TMIGD3: variants seen among roughly 807,000 people sequenced by gnomAD.
The protein encoded by TMIGD3 is AD026 protein (AD026).
Under a neutral mutation model 28.1 loss-of-function variants are expected in TMIGD3, and 21 were observed. That is an observed-to-expected ratio of 0.75 (90% CI 0.53 to 1.08). The LOEUF (loss-of-function observed/expected upper bound fraction) is 1.08, where lower values mean the gene tolerates loss of function less well. TMIGD3 is among the 50% of genes least tolerant of loss of function. The pLI is 0.00. For synonymous variants in TMIGD3, 151 were observed against 162.1 expected, an observed-to-expected ratio of 0.93 and a Z score of 0.52; for missense variants, 416 against 435.6, an observed-to-expected ratio of 0.96 and a Z score of 0.40.
chr1:111,483,728 C>A lies in TMIGD3; in HGVS notation c.1003G>T (p.Val335Phe), dbSNP rs1654225978. 6.2e-7 allele frequency: 1 copy of A among 1,613,964 alleles called. No homozygotes were observed. The highest frequency in any genetic ancestry group is 8.5e-7 in the Non-Finnish European group (1 of 1,179,978). ...VGNTLKPFSR[V>F]LTPKEMAPTE... ...GGAGCCATTTCCTTTGGAGTCAGGA[C>A]ACGCGAGAAGGGCTTCAAAGTGTTG... Residue 335 changes from valine to phenylalanine, a missense_variant, in exon 6 of 6, where the codon GTC (valine) becomes TTC (phenylalanine). By Grantham distance (50) the Val-to-Phe change is conservative. Transcript: ENST00000369716.
At chr1:111,534,324 C>T (rs888875726) in intron 1 of TMIGD3, among the ~76,000 whole-genome samples, 2 of 152,084 alleles carry the variant, frequency 1.3e-5, no homozygotes, top group African/African-American at 4.8e-5. Flanking sequence ...CTGTAGTGTA[C>T]ATGACAGCAT....
At chr1:111,547,171 A>G (rs1657062501) in intron 1 of TMIGD3, among the ~76,000 whole-genome samples, 2 of 151,952 alleles carry the variant, frequency 1.3e-5, no homozygotes, top group African/African-American at 4.8e-5. Context: ...CTTTTTTTTC[A>G]TGATACTAGG....
intron 1 of TMIGD3, chr1:111,500,132 C>T: frequency 6.2e-7 from 1 of 1,614,084 alleles, no homozygotes; most frequent in Non-Finnish European, 8.5e-7. Context: ...AGCTGTGGTA[C>T]CTCACCATTA....
chr1:111,527,006 C>CTTTTTTTTTTTTTTTT (rs71580580), intron 1 of TMIGD3, among the ~76,000 whole-genome samples: 3 of 87,732 alleles, frequency 3.4e-5, no homozygotes, highest in Non-Finnish European at 2.0e-5. Flanking sequence ...TCCTCAATGT[C>CTTTTTTTTTTTTTTTT]TTTTTTTTTT....
chr1:111,563,689 C>A (rs1657836258), intron 1 of TMIGD3, among the ~76,000 whole-genome samples: 1 of 152,152 alleles, frequency 6.6e-6, no homozygotes, highest in South Asian at 2.1e-4. Context: ...TCTTCACAAC[C>A]CTGTGGAATA....
In TMIGD3 at chr1:111,503,369, G is replaced by T; in HGVS notation, c.-15C>A. On this transcript the variant is annotated 5_prime_UTR_variant, in exon 1 of 6. Transcript: ENST00000369716. ...TTGTTGGGCATCTTGCCTTCCCAGG[G>T]GAACCTCCACAGGGACAGGTGAGCC... 1 of 1,598,688 alleles carries T rather than the reference G, an allele frequency of 6.3e-7. No individual in the cohort carries two copies. The highest frequency in any genetic ancestry group is 2.2e-5 in the East Asian group (1 of 44,598).
chr1:111,501,925 T>C (rs1655197268), intron 1 of TMIGD3, among the ~76,000 whole-genome samples: 1 of 150,914 alleles, frequency 6.6e-6, no homozygotes, highest in Non-Finnish European at 1.5e-5. Flanking sequence ...GTTCTATTCA[T>C]ATGGTCACAT....
At chr1:111,553,445 T>G (rs977380001) in intron 1 of TMIGD3, among the ~76,000 whole-genome samples, 3 of 152,062 alleles carry the variant, frequency 2.0e-5, no homozygotes, top group Non-Finnish European at 4.4e-5. Context: ...GACTCAGGAG[T>G]CTCATGTCTT....
chr1:111,499,096 AAAAAAG>A (rs1167047049), intron 1 of TMIGD3, among the ~76,000 whole-genome samples: 2 of 141,402 alleles, frequency 1.4e-5, no homozygotes, highest in African/African-American at 3.1e-5. Flanking sequence ...GTCTCAAAAA[AAAAAAG>A]AAAAAAAAGA....
intron 1 of TMIGD3, among the ~76,000 whole-genome samples, chr1:111,535,499 A>C (rs928879810): frequency 2.0e-5 from 3 of 152,254 alleles, no homozygotes; most frequent in African/African-American, 4.8e-5. Flanking sequence ...GGTAGTCTAC[A>C]AAATTAAACT....
intron 1 of TMIGD3, among the ~76,000 whole-genome samples, chr1:111,520,824 C>T (rs112942976): frequency 8.5e-5 from 13 of 152,132 alleles, no homozygotes; most frequent in African/African-American, 3.1e-4. Flanking sequence ...ATGAATTCTC[C>T]TTATTTTATA....
intron 1 of TMIGD3, among the ~76,000 whole-genome samples, chr1:111,494,064 G>C (rs952004568): frequency 1.3e-5 from 2 of 152,194 alleles, no homozygotes; most frequent in Non-Finnish European, 2.9e-5. Context: ...CCTGCAACCT[G>C]CAGCAACCTG....
At chr1:111,524,178 C>T (rs1174971689) in intron 1 of TMIGD3, among the ~76,000 whole-genome samples, 10 of 151,156 alleles carry the variant, frequency 6.6e-5, no homozygotes, top group Non-Finnish European at 1.0e-4. Flanking sequence ...TACAGGCGCC[C>T]GCCACTATGC....
At chr1:111,508,560 C>A (rs769401238), upstream of TMIGD3, among the ~76,000 whole-genome samples, 1 of 152,246 alleles carries the variant, frequency 6.6e-6, no homozygotes, top group African/African-American at 2.4e-5. Context: ...GAATAGGTAG[C>A]CAACTGCCTG....
Position 111,528,525 on chromosome 1 carries a change from A to G in TMIGD3, c.107+35321T>C, listed in dbSNP as rs574328677. On this transcript the variant is annotated intron_variant, in intron 1 of 5. Coordinates refer to the TMIGD3 transcript ENST00000369717. Reference sequence around the variant, plus strand: ...TTTGTCTCTCCGTATAAATTTTGGAATCAGTTTGTTAATATCCACAAAATA... The same window carrying G: ...TTTGTCTCTCCGTATAAATTTTGGAGTCAGTTTGTTAATATCCACAAAATA... 1.3e-3 allele frequency among the ~76,000 whole-genome samples: 195 copies of G among 152,248 alleles called. 1 individual carries two copies. Among genetic ancestry groups the G allele is most frequent in the African/African-American group, 4.5e-3 (185 of 41,534 alleles).
chr1:111,495,513 T>A (rs1357987250), intron 1 of TMIGD3, among the ~76,000 whole-genome samples: 1 of 152,190 alleles, frequency 6.6e-6, no homozygotes, highest in African/African-American at 2.4e-5. Context: ...ACGCTGTTGG[T>A]GGGAGTGTAA....
rs201263167 is a variant in TMIGD3, at chr1:111,488,693, G to T, written c.789C>A (p.Asp263Glu). Residue 263 changes from aspartate to glutamate, a missense_variant, in exon 3 of 6, where the codon GAC (aspartate) becomes GAA (glutamate). Physicochemically the swap from Asp to Glu is conservative, Grantham distance 45 (BLOSUM62 2). Coordinates refer to ENST00000369716, the MANE Select transcript of TMIGD3 (RefSeq NM_020683.7). Reference sequence around the variant, plus strand: ...GCTCCTTACCTTTCCCAGACCAAAAGTCATTGGCCAGGGTTCCTTTGTCGT... The same window carrying T: ...GCTCCTTACCTTTCCCAGACCAAAATTCATTGGCCAGGGTTCCTTTGTCGT... ...VTDDKGTLAN[D>E]FWSGKDLSGN... 20 of 1,613,648 alleles carry T rather than the reference G, an allele frequency of 1.2e-5. No homozygotes were observed. In the African/African-American group the frequency reaches 2.7e-4, roughly 22 times the overall value.
chr1:111,538,159 C>T (rs1656702686), intron 1 of TMIGD3, among the ~76,000 whole-genome samples: 1 of 152,148 alleles, frequency 6.6e-6, no homozygotes, highest in African/African-American at 2.4e-5. Flanking sequence ...AAAACCACAT[C>T]AGTTTCACCA....
intron 5 of TMIGD3, chr1:111,485,495 A>G: frequency 1.7e-4 from 57 of 341,930 alleles, no homozygotes; most frequent in East Asian, 4.1e-4. Flanking sequence ...TTGTCTCAGG[A>G]CCTCCTTCCT....
Sources: allele counts gnomAD v4.1 joint callset (sites outside exome capture counted in the v4.1 genomes callset), GRCh38; gene constraint gnomAD v4.1.1; transcripts MANE v1.5; gene names NCBI Gene and HGNC (gene_info 2026-07-23, HGNC 2026-07-21).